The following ZNF254 variants were observed in gnomAD, a reference collection of about 807,000 sequenced individuals.
ZNF254 encodes zinc finger protein 254.
Under a neutral mutation model 12.4 loss-of-function variants are expected in ZNF254, and 10 were observed. That is an observed-to-expected ratio of 0.80 (90% CI 0.50 to 1.36). The LOEUF is 1.36. Ranked by LOEUF, ZNF254 falls within the 40% of genes most tolerant of loss-of-function variation. The pLI is 0.00. For synonymous variants in ZNF254, 305 were observed against 253.4 expected (o/e 1.20, Z -1.93); for missense variants, 996 against 763.9 (o/e 1.30, Z -3.58).
intron 3 of ZNF254, among the ~76,000 whole-genome samples, chr19:24,120,986 G>A (rs1974440105): frequency 1.3e-5 from 2 of 152,132 alleles, no homozygotes; most frequent in South Asian, 4.1e-4. Flanking sequence ...TGTTGTGACA[G>A]CTTTGGCCTC....
At position 24,127,269 on chromosome 19, in the gene ZNF254, A is replaced by G; in HGVS notation, c.1269A>G (p.Thr423=). ...TTAATCGATCTTCAAATCTTACTAC[A>G]CATAAGATAATTCATACTGGAGAGA... ...KGFNRSSNLT[T]HKIIHTGEKP... Residue 423 remains threonine (T), a synonymous_variant, in exon 4 of 4, where the codon ACA becomes ACG. Transcript: ENST00000357002. 6.2e-7 allele frequency: 1 copy of G among 1,613,322 alleles called. No individual in the cohort carries two copies. The highest frequency in any genetic ancestry group is 1.1e-5 in the South Asian group (1 of 91,048).
intron 2 of ZNF254, among the ~76,000 whole-genome samples, chr19:24,058,200 A>T (rs1383994795): frequency 3.9e-5 from 6 of 152,112 alleles, no homozygotes; most frequent in Non-Finnish European, 7.4e-5. Context: ...TGCACCTATG[A>T]TTGTGACACA....
At chr19:24,061,485 C>T (rs1406332471) in intron 2 of ZNF254, among the ~76,000 whole-genome samples, 1 of 152,220 alleles carries the variant, frequency 6.6e-6, no homozygotes, top group Non-Finnish European at 1.5e-5. Context: ...TAACACACTG[C>T]AGGGCCCAGC....
chr19:24,120,701 C>T (rs1374021445), intron 3 of ZNF254, among the ~76,000 whole-genome samples: 3 of 151,924 alleles, frequency 2.0e-5, no homozygotes, highest in South Asian at 2.1e-4. Context: ...CTTGCTCTGT[C>T]ACCCAGGCTG....
chr19:24,124,631 T>G (rs988608899), intron 3 of ZNF254, among the ~76,000 whole-genome samples: 2 of 152,168 alleles, frequency 1.3e-5, no homozygotes, highest in Non-Finnish European at 2.9e-5. Flanking sequence ...TATTCTCAAT[T>G]AATTAAACCT....
At chr19:24,049,214 ATTTTT>A (rs66491625) in intron 2 of ZNF254, among the ~76,000 whole-genome samples, 12 of 40,868 alleles carry the variant, frequency 2.9e-4, no homozygotes, top group Admixed American at 7.6e-4. Flanking sequence ...ATATATATAT[ATTTTT>A]TTTTTTTTTT....
chr19:24,115,501 A>G (rs1050178467), intron 3 of ZNF254, among the ~76,000 whole-genome samples: 3 of 149,400 alleles, frequency 2.0e-5, no homozygotes, highest in Non-Finnish European at 3.0e-5. Flanking sequence ...AGGAAGGGGA[A>G]AATCACACTC....
intron 3 of ZNF254, among the ~76,000 whole-genome samples, chr19:24,110,129 T>C (rs901280839): frequency 6.6e-6 from 1 of 152,226 alleles, no homozygotes; most frequent in Admixed American, 6.5e-5. Flanking sequence ...TGTATTTTCT[T>C]TGTGTGAGAA....
chr19:24,051,003 C>T (rs563565799), intron 2 of ZNF254, among the ~76,000 whole-genome samples: 2 of 151,538 alleles, frequency 1.3e-5, no homozygotes, highest in African/African-American at 2.4e-5. Flanking sequence ...CACCTAGCTT[C>T]GATATGACTG....
rs369468196 is a variant in ZNF254, at chr19:24,124,207, G to C, written c.254-2047G>C. On this transcript the variant is annotated intron_variant, in intron 3 of 3. Coordinates refer to ENST00000357002, the MANE Select transcript of ZNF254 (RefSeq NM_203282.4). ...AGATACAACAACATATTTTAATCTG[G>C]TAAATAAACTTAAGTTGCGTACAAA... Among the ~76,000 whole-genome samples the C allele has an allele frequency of 3.9e-4, 60 of 152,056 alleles. No homozygotes were observed. In the South Asian group the frequency reaches 0.012, roughly 30 times the overall value.
intron 1 of ZNF254, 96 bp from the exon 2 acceptor site, chr19:24,105,844 G>T: frequency 1.3e-6 from 2 of 1,512,650 alleles, no homozygotes; most frequent in Non-Finnish European, 1.8e-6. Context: ...TTATAAGTCA[G>T]AACCAGTTCT....
intron 1 of ZNF254, among the ~76,000 whole-genome samples, chr19:24,092,527 C>T (rs1972455189): frequency 6.6e-6 from 1 of 152,012 alleles, no homozygotes; most frequent in Non-Finnish European, 1.5e-5. Flanking sequence ...AGGCATGCAC[C>T]ACCATACCTA....
chr19:24,070,141 A>G (rs1971429536), intron 2 of ZNF254, among the ~76,000 whole-genome samples: 1 of 152,190 alleles, frequency 6.6e-6, no homozygotes, highest in Admixed American at 6.5e-5. Flanking sequence ...GGACTCTCCT[A>G]TATTGATCAG....
intron 3 of ZNF254, among the ~76,000 whole-genome samples, chr19:24,124,401 A>T (rs2145990687): frequency 6.6e-6 from 1 of 152,266 alleles, no homozygotes; most frequent in East Asian, 1.9e-4. Context: ...TAATGCTAAG[A>T]AATTTGACTT....
intron 3 of ZNF254, among the ~76,000 whole-genome samples, chr19:24,116,646 C>T (rs1444151175): frequency 2.0e-5 from 3 of 150,082 alleles, no homozygotes; most frequent in Admixed American, 6.6e-5. Context: ...TTTGAATTTC[C>T]TCCTGTAGCT....
chr19:24,103,084 ATGT>A (rs1473367129), intron 1 of ZNF254, among the ~76,000 whole-genome samples: 1 of 152,182 alleles, frequency 6.6e-6, no homozygotes, highest in East Asian at 1.9e-4. Flanking sequence ...ACATGTGCAC[ATGT>A]TGTTTTCCAA....
In ZNF254 at chr19:24,106,071, G is replaced by T. The variant is rs746363150; in HGVS notation, c.157+5G>T. On this transcript the variant is annotated splice_donor_5th_base_variant and intron_variant, in intron 2 of 3. Coordinates refer to ENST00000357002, the MANE Select transcript of ZNF254 (RefSeq NM_203282.4). ...ACAGAAACCTGGCCTTCCTGGGTGAGGATAACTTTAATACAAAATTCCTCA... is the reference window on the plus strand; with the variant it reads ...ACAGAAACCTGGCCTTCCTGGGTGATGATAACTTTAATACAAAATTCCTCA... The T allele has an allele frequency of 2.9e-5, 46 of 1,578,736 alleles. No homozygotes were observed. The highest frequency in any genetic ancestry group is 3.9e-5 in the Non-Finnish European group (45 of 1,162,670).
rs2146039111 is a variant in ZNF254 at position 24,128,213 on chromosome 19, T to G, written c.*233T>G. ...AATTCATACTGGAGAAAACTACCAG[T>G]GTGAACAACGTGGCCAAGCTTCGAC... On this transcript the variant is annotated 3_prime_UTR_variant, in exon 4 of 4. Transcript: ENST00000357002. 4.4e-6 allele frequency: 2 copies of G among 453,214 alleles called. No homozygotes were observed. Among genetic ancestry groups the G allele is most frequent in the Admixed American group, 7.7e-5 (2 of 25,816 alleles). 28.1% of individuals were successfully genotyped at this position (453,214 alleles called of 1,614,324 possible). A position where few individuals can be genotyped will look rare whatever the true frequency, so the allele number is the denominator to read the frequency against.
intron 2 of ZNF254, among the ~76,000 whole-genome samples, chr19:24,067,418 A>AAATTACTAT (rs1381395174): frequency 6.6e-6 from 1 of 151,346 alleles, no homozygotes; most frequent in Non-Finnish European, 1.5e-5. Context: ...TTTCTGGAGC[A>AAATTACTAT]GTCCACAGTA....
Sources: gnomAD v4.1 joint callset for allele counts (sites outside exome capture counted in the v4.1 genomes callset) on GRCh38, gnomAD v4.1.1 for gene constraint, MANE v1.5 for transcripts, NCBI Gene and HGNC (gene_info 2026-07-23, HGNC 2026-07-21) for gene names.